The following PPIL6 variants were observed in gnomAD, a reference collection of about 807,000 sequenced individuals.
The protein encoded by PPIL6 is probable inactive peptidyl-prolyl cis-trans isomerase-like 6.
In PPIL6, 39 loss-of-function variants were observed where a neutral mutation model predicts 36.8. That is an observed-to-expected ratio of 1.06 (90% CI 0.82 to 1.38). The LOEUF (loss-of-function observed/expected upper bound fraction) is 1.38, where lower values mean the gene tolerates loss of function less well. Ranked by LOEUF, PPIL6 falls within the 40% of genes most tolerant of loss-of-function variation. PPIL6 has a pLI of 0.00. For synonymous variants in PPIL6, 123 were observed against 134.1 expected (o/e 0.92, Z 0.57); for missense variants, 368 against 379.1 (o/e 0.97, Z 0.24).
Position 109,440,563 on chromosome 6 carries a change from G to A in PPIL6, c.28C>T (p.Pro10Ser), listed in dbSNP as rs1161465836. The change falls in exon 1 of 8, where the codon CCG becomes TCG. Residue 10 changes from proline (P) to serine (S), a missense_variant. By Grantham distance (74) the Pro-to-Ser change is moderately conservative. Coordinates refer to ENST00000521072, the MANE Select transcript of PPIL6 (RefSeq NM_173672.5). ...GACGGCGAGCCGCACCTAGCGTGCG[G>A]GGGCCCGCACGGCTGCGGCCTTGCC... The part of the protein sequence containing the change: MARPQPCGP[P>S]HARCGSPSLP... 2 of 1,461,034 alleles carry A rather than the reference G, an allele frequency of 1.4e-6. No individual in the cohort carries two copies. Among genetic ancestry groups the A allele is most frequent in the Admixed American group, 5.4e-5 (2 of 37,082 alleles). The allele number at this position is 1,461,034 out of a possible 1,614,324, so 90.5% of individuals were successfully genotyped here.
chr6:109,426,749 GT>G, intron 5 of PPIL6, 97 bp downstream of exon 5: 1 of 777,014 alleles, frequency 1.3e-6, no homozygotes, highest in Non-Finnish European at 1.9e-6. Context: ...CTAATTTTAA[GT>G]ATATCTAATT....
chr6:109,395,869 C>G (rs1174627942), intron 7 of PPIL6, among the ~76,000 whole-genome samples: 16 of 148,884 alleles, frequency 1.1e-4, no homozygotes, highest in African/African-American at 3.5e-4. Flanking sequence ...GGAGTCTCAC[C>G]CTGTCACCAA....
At chr6:109,400,296 G>T (rs1772476614) in intron 6 of PPIL6, 126 bp from the exon 7 acceptor site, 1 of 727,350 alleles carries the variant, frequency 1.4e-6, no homozygotes. Context: ...ATTCCAAATT[G>T]TAAATATTCT....
At chr6:109,422,110 T>C (rs1264193228) in intron 5 of PPIL6, among the ~76,000 whole-genome samples, 1 of 152,008 alleles carries the variant, frequency 6.6e-6, no homozygotes, top group Middle Eastern at 3.2e-3. Flanking sequence ...ACTCCTGACC[T>C]CGTGATCCAC....
At chr6:109,411,236 GACTAGCAGC>G (rs1203921486) in intron 6 of PPIL6, among the ~76,000 whole-genome samples, 4 of 152,146 alleles carry the variant, frequency 2.6e-5, no homozygotes, top group Non-Finnish European at 5.9e-5. Context: ...GCAGTGATAG[GACTAGCAGC>G]ACCCCGGGGC....
chr6:109,414,247 A>G (rs1773140672), intron 6 of PPIL6, among the ~76,000 whole-genome samples: 1 of 152,166 alleles, frequency 6.6e-6, no homozygotes. Flanking sequence ...TGTACCCACA[A>G]AAATTAAAGC....
At chr6:109,437,462 A>C (rs1774507859) in intron 1 of PPIL6, among the ~76,000 whole-genome samples, 1 of 152,056 alleles carries the variant, frequency 6.6e-6, no homozygotes, top group Admixed American at 6.5e-5. Context: ...TTCTGTCCCC[A>C]AGCAATAGCT....
chr6:109,430,688 G>A (rs1345636206), intron 3 of PPIL6, among the ~76,000 whole-genome samples: 4 of 152,202 alleles, frequency 2.6e-5, no homozygotes, highest in Middle Eastern at 3.2e-3. Context: ...GCCTCCCAAA[G>A]TAATGGGATT....
At chr6:109,406,249 G>A (rs1239111541) in intron 6 of PPIL6, among the ~76,000 whole-genome samples, 5 of 150,022 alleles carry the variant, frequency 3.3e-5, no homozygotes, top group African/African-American at 7.4e-5. Context: ...ATGGGATCTC[G>A]TTATGTTACC....
chr6:109,418,922 A>G (rs1012141761), intron 6 of PPIL6, among the ~76,000 whole-genome samples: 1 of 151,154 alleles, frequency 6.6e-6, no homozygotes, highest in African/African-American at 2.5e-5. Flanking sequence ...CCCTAAAAAT[A>G]TAAATTCCCT....
At chr6:109,419,048 G>A (rs943638321) in intron 6 of PPIL6, 139 bp downstream of exon 6, 7 of 614,890 alleles carry the variant, frequency 1.1e-5, no homozygotes, top group Admixed American at 2.9e-5. Flanking sequence ...GCTTCCCCCC[G>A]ATCTGCTCAT....
chr6:109,408,640 C>T (rs1042059813), intron 6 of PPIL6, among the ~76,000 whole-genome samples: 2 of 151,974 alleles, frequency 1.3e-5, no homozygotes, highest in Non-Finnish European at 2.9e-5. Flanking sequence ...AGATATAGAA[C>T]CTCAAATCCT....
intron 5 of PPIL6, among the ~76,000 whole-genome samples, chr6:109,419,850 C>T (rs1339642370): frequency 1.3e-5 from 2 of 152,002 alleles, no homozygotes; most frequent in East Asian, 3.9e-4. Flanking sequence ...TTTATAAGCA[C>T]TTTTACATTC....
upstream of PPIL6, chr6:109,441,131 A>C: frequency 2.5e-6 from 4 of 1,614,110 alleles, no homozygotes; most frequent in Non-Finnish European, 3.4e-6. Context: ...CATGAAGCCC[A>C]ACTTCTCCCT....
chr6:109,414,104 T>G (rs1317770829), intron 6 of PPIL6, among the ~76,000 whole-genome samples: 3 of 152,088 alleles, frequency 2.0e-5, no homozygotes, highest in African/African-American at 4.8e-5. Context: ...AAAATAAAAG[T>G]GTATAATTGG....
In PPIL6 at chr6:109,428,550, GAAGA is replaced by G. The variant is rs797009182; in HGVS notation, c.421-1398_421-1395del. ...CCTGGGTGACAGAGTGAGACCCTATGAAGAAAAAAAAAAAAAAAAAACCACCTTA... is the reference window on the plus strand; with the variant it reads ...CCTGGGTGACAGAGTGAGACCCTATGAAAAAAAAAAAAAAAAACCACCTTA... On this transcript the variant is annotated intron_variant, in intron 3 of 7. Coordinates refer to ENST00000521072, the MANE Select transcript of PPIL6 (RefSeq NM_173672.5). Among the ~76,000 whole-genome samples the G allele has an allele frequency of 2.2e-4, 19 of 85,814 alleles. No individual in the cohort carries two copies. The South Asian group carries it at 2.5e-3, about 11-fold the overall frequency. 56.3% of individuals were successfully genotyped at this position (85,814 alleles called of 152,430 possible).
rs374703340 is a variant in PPIL6, at chr6:109,431,360, G to GAAAAAA, written c.232-16_232-15insTTTTTT. On this transcript the variant is annotated splice_polypyrimidine_tract_variant and intron_variant, in intron 2 of 7. Transcript: ENST00000521072. Reference sequence around the variant, plus strand: ...TTTTTGAGTTCCTGTAAGGGAAAAGGACAAAAAAAAAAAAAAACGTAAGAA... The same window carrying GAAAAAA: ...TTTTTGAGTTCCTGTAAGGGAAAAGGAAAAAAACAAAAAAAAAAAAAAACGTAAGAA... The GAAAAAA allele has an allele frequency of 3.4e-6, 3 of 878,938 alleles. No homozygotes were observed. Among genetic ancestry groups the GAAAAAA allele is most frequent in the Admixed American group, 4.4e-5 (1 of 22,866 alleles). 54.4% of individuals were successfully genotyped at this position (878,938 alleles called of 1,614,324 possible).
In PPIL6 at chr6:109,427,117, G is replaced by T. The variant is rs1369169814; in HGVS notation, c.460C>A (p.Pro154Thr). Residue 154 changes from proline to threonine, a missense_variant, in exon 4 of 8, where the codon CCA becomes ACA. Pro to Thr is a conservative substitution (Grantham distance 38). Transcript: ENST00000521072. The part of the protein sequence containing the change: ...VFLDICIDSS[P>T]IGRLIFELYC... ...ACCTCAAAAATCAATCTTCCAATTG[G>T]AGAAGAATCAATACAAATGTCCAAA... is the stretch of plus-strand genomic sequence containing the variant. 2 of 1,611,634 alleles carry T rather than the reference G, an allele frequency of 1.2e-6. No individual in the cohort carries two copies. Among genetic ancestry groups the T allele is most frequent in the South Asian group, 1.1e-5 (1 of 90,900 alleles).
chr6:109,392,906 GT>G lies in PPIL6; in HGVS notation c.855del (p.Lys285AsnfsTer3). The G allele has an allele frequency of 6.2e-7, 1 of 1,611,228 alleles. No individual in the cohort carries two copies. The highest frequency in any genetic ancestry group is 2.2e-5 in the East Asian group (1 of 44,782). On this transcript the variant is annotated frameshift_variant, in exon 8 of 8. Transcript: ENST00000521072. LOFTEE classifies it high-confidence loss of function. ...TTCTGTGTTGGAACTAATTCTAGTT[GT>G]TTAAGCACTTCTGTTCCTTCAATCA... is the stretch of plus-strand genomic sequence containing the variant. ...GQLIEGTEVL[K>X]QLELVPTQNE...
Sources: gnomAD v4.1 joint callset for allele counts (sites outside exome capture counted in the v4.1 genomes callset) on GRCh38, gnomAD v4.1.1 for gene constraint, MANE v1.5 for transcripts, NCBI Gene and HGNC (gene_info 2026-07-23, HGNC 2026-07-21) for gene names.